Variants in PKNOX1 observed in about 807,000 individuals in gnomAD.
PKNOX1 encodes homeobox protein PKNOX1.
Under a neutral mutation model 51.9 loss-of-function variants are expected in PKNOX1, and 15 were observed. The observed-to-expected ratio is 0.29, with a 90% CI of 0.19 to 0.45. The LOEUF (loss-of-function observed/expected upper bound fraction) is 0.45. Ranked by LOEUF, PKNOX1 falls within the 20% of genes least tolerant of loss-of-function variation. The pLI, the probability that PKNOX1 is intolerant of heterozygous loss-of-function variation, is 1.00. For synonymous variants in PKNOX1, 219 were observed against 211.1 expected, an observed-to-expected ratio of 1.04 and a Z score of -0.32; for missense variants, 462 against 547.5, an observed-to-expected ratio of 0.84 and a Z score of 1.56.
At position 43,007,522 on chromosome 21, in the gene PKNOX1, A is replaced by C; in HGVS notation, c.83A>C (p.Gln28Pro). The C allele has an allele frequency of 6.2e-7, 1 of 1,614,026 alleles. No homozygotes were observed. The highest frequency in any genetic ancestry group is 8.5e-7 in the Non-Finnish European group (1 of 1,179,888). ...MQVVTELKTE[Q>P]DPNCSEPDAE... Reference sequence around the variant, plus strand: ...GTAGTAACAGAGTTAAAGACAGAACAAGATCCAAACTGCTCTGAACCCGAT... The same window carrying C: ...GTAGTAACAGAGTTAAAGACAGAACCAGATCCAAACTGCTCTGAACCCGAT... Residue 28 changes from glutamine (Q) to proline (P), a missense_variant, in exon 3 of 11, where the codon CAA (glutamine) becomes CCA (proline). By Grantham distance (76) the Gln-to-Pro change is moderately conservative. Around this residue, in one of 5 missense-constraint regions of PKNOX1, gnomAD observed 129 missense variants for 133.4 expected, o/e 0.97. Coordinates refer to ENST00000291547, the MANE Select transcript of PKNOX1 (RefSeq NM_004571.5).
intron 8 of PKNOX1, among the ~76,000 whole-genome samples, chr21:43,023,349 C>A (rs892052579): frequency 6.6e-6 from 1 of 152,086 alleles, no homozygotes; most frequent in Non-Finnish European, 1.5e-5. Context: ...GAGGCCGCTC[C>A]GTCCCCATGT....
chr21:43,003,370 GTTT>G (rs910583538), intron 1 of PKNOX1, among the ~76,000 whole-genome samples: 5 of 152,166 alleles, frequency 3.3e-5, no homozygotes, highest in Non-Finnish European at 5.9e-5. Flanking sequence ...GCATTTTGCG[GTTT>G]TCTGTTGTCA....
chr21:42,995,793 C>T (rs1011230832), intron 1 of PKNOX1, among the ~76,000 whole-genome samples: 1 of 152,194 alleles, frequency 6.6e-6, no homozygotes, highest in African/African-American at 2.4e-5. Flanking sequence ...CTGTCTGAAA[C>T]GGCTTACTGT....
chr21:43,023,174 C>T (rs971521607), intron 8 of PKNOX1, among the ~76,000 whole-genome samples: 4 of 151,816 alleles, frequency 2.6e-5, no homozygotes, highest in African/African-American at 4.8e-5. Flanking sequence ...CTTGTGTGCT[C>T]GTGTTTCCTG....
rs1425547946 is a variant in PKNOX1 at position 43,033,211 on chromosome 21, A to G, written c.*3110A>G. The G allele has an allele frequency of 6.6e-6, 1 of 152,080 alleles. No individual in the cohort carries two copies. Among genetic ancestry groups the G allele is most frequent in the Non-Finnish European group, 1.5e-5 (1 of 68,034 alleles). The allele number at this position is 152,080 out of a possible 1,614,324, so 9.4% of individuals were successfully genotyped here. A position where few individuals can be genotyped will look rare whatever the true frequency, so the allele number is the denominator to read the frequency against. On this transcript the variant is annotated 3_prime_UTR_variant, in exon 11 of 11. Transcript: ENST00000291547. ...CCTTTGCGCTTTGATTCCAGATAGT[A>G]AGATGAGTGGAAGTGTTTATCGAGC...
chr21:43,013,013 TAAC>T lies in PKNOX1; in HGVS notation c.352-54_352-52del. 2.1e-6 allele frequency: 3 copies of T among 1,418,216 alleles called. No homozygotes were observed. In the South Asian group the frequency reaches 4.0e-5, roughly 19 times the overall value. 87.9% of individuals were successfully genotyped at this position (1,418,216 alleles called of 1,614,324 possible). On this transcript the variant is annotated intron_variant, in intron 4 of 10. Transcript: ENST00000291547. ...TAAGAACTGGTATGTAGGATCATGA[TAAC>T]TTACAATAATGCCACCTTTTTCTCT...
intron 3 of PKNOX1, among the ~76,000 whole-genome samples, chr21:43,007,986 C>T (rs1979070481): frequency 6.6e-6 from 1 of 151,410 alleles, no homozygotes; most frequent in Admixed American, 6.6e-5. Context: ...ATCACTTGAA[C>T]CGGGGAGGCG....
chr21:43,001,960 C>CAAATAAATAAATAAATAAAT (rs34834721), intron 1 of PKNOX1, among the ~76,000 whole-genome samples: 13 of 146,300 alleles, frequency 8.9e-5, no homozygotes, highest in Admixed American at 6.1e-4. Flanking sequence ...GACTCCGTCT[C>CAAATAAATAAATAAATAAAT]AAATAAATAA....
chr21:42,986,019 T>TTA (rs1555857938), intron 1 of PKNOX1, among the ~76,000 whole-genome samples: 32 of 131,420 alleles, frequency 2.4e-4, no homozygotes, highest in African/African-American at 7.6e-4. Context: ...AAAAAAAAAT[T>TTA]AAAAAAAAAA....
rs1164139884 is a variant in PKNOX1 at position 43,030,761 on chromosome 21, G to C, written c.*660G>C. On this transcript the variant is annotated 3_prime_UTR_variant, in exon 11 of 11. Coordinates refer to ENST00000291547, the MANE Select transcript of PKNOX1 (RefSeq NM_004571.5). ...GACTATATTGAGGATAAAATTTCTA[G>C]AGAAGAAACAATACATGCTTGCTAT... The C allele has an allele frequency of 6.6e-6, 1 of 152,452 alleles. No homozygotes were observed. The highest frequency in any genetic ancestry group is 6.5e-5 in the Admixed American group (1 of 15,280). 9.4% of individuals were successfully genotyped at this position (152,452 alleles called of 1,614,324 possible). A position where few individuals can be genotyped will look rare whatever the true frequency, so the allele number is the denominator to read the frequency against.
At chr21:43,027,101 C>T (rs234723) in intron 9 of PKNOX1, among the ~76,000 whole-genome samples, 36,516 of 151,944 alleles carry the variant, frequency 0.24, 4,780 homozygotes, top group Non-Finnish European at 0.29. Context: ...TCCCTGATAT[C>T]GTGAACATGG....
chr21:43,028,542 G>A (rs1200073491), intron 9 of PKNOX1, 160 bp from the exon 10 acceptor site: 3 of 679,846 alleles, frequency 4.4e-6, no homozygotes, highest in African/African-American at 1.8e-5. Flanking sequence ...GAATTCAGAA[G>A]AGCTGTTGAG....
At position 43,015,584 on chromosome 21, in the gene PKNOX1, A is replaced by G. The variant is rs369774653; in HGVS notation, c.523-1324A>G. Reference sequence around the variant, plus strand: ...TTGGTTTTGGTATCAAAATACACAAACTTACATAAAATGGATTGGGAAGTA... The same window carrying G: ...TTGGTTTTGGTATCAAAATACACAAGCTTACATAAAATGGATTGGGAAGTA... On this transcript the variant is annotated intron_variant, in intron 5 of 10. Coordinates refer to ENST00000291547, the MANE Select transcript of PKNOX1 (RefSeq NM_004571.5). Among the ~76,000 whole-genome samples the G allele has an allele frequency of 5.3e-5, 8 of 152,322 alleles. No individual in the cohort carries two copies. In the South Asian group the frequency reaches 6.2e-4, roughly 12 times the overall value.
intron 4 of PKNOX1, among the ~76,000 whole-genome samples, chr21:43,012,847 C>T (rs561720767): frequency 3.3e-5 from 5 of 152,294 alleles, no homozygotes; most frequent in South Asian, 2.1e-4. Context: ...CACCACCACG[C>T]GCCTTTGTCT....
At chr21:43,006,837 A>T (rs1979009212) in intron 2 of PKNOX1, among the ~76,000 whole-genome samples, 1 of 152,242 alleles carries the variant, frequency 6.6e-6, no homozygotes, top group South Asian at 2.1e-4. Flanking sequence ...TCTGCTGCTC[A>T]TGGATAACTA....
intron 1 of PKNOX1, among the ~76,000 whole-genome samples, chr21:42,996,689 C>A (rs1397942347): frequency 6.6e-6 from 1 of 152,120 alleles, no homozygotes; most frequent in Admixed American, 6.6e-5. Context: ...GCTAGCACAA[C>A]TACATAGAAA....
chr21:43,026,618 G>A (rs530739660), intron 9 of PKNOX1, among the ~76,000 whole-genome samples: 2 of 152,292 alleles, frequency 1.3e-5, no homozygotes, highest in Admixed American at 6.5e-5. Context: ...TTAGCTGCGT[G>A]TGGTGGTGCA....
At chr21:43,029,821 CA>C in intron 10 of PKNOX1, 68 bp from the exon 11 acceptor site, 1 of 1,313,744 alleles carries the variant, frequency 7.6e-7, no homozygotes, top group South Asian at 1.3e-5. Context: ...AAACAGCACC[CA>C]ATTGAGTAAT....
rs1448951274 is a variant in PKNOX1 at position 42,980,392 on chromosome 21, T to A, written c.-57+5728T>A. Among the ~76,000 whole-genome samples, 4 of 140,216 alleles carry A rather than the reference T, an allele frequency of 2.9e-5. No individual in the cohort carries two copies. In the East Asian group the frequency reaches 8.2e-4, roughly 29 times the overall value. The allele number at this position is 140,216 out of a possible 152,430, so 92.0% of individuals were successfully genotyped here. A position where few individuals can be genotyped will look rare whatever the true frequency, so the allele number is the denominator to read the frequency against. ...ATGTCCGAAAAAAGAGAAAAAAAAATACTACTTGTAAATAGCAGAAATAGA... is the reference window on the plus strand; with the variant it reads ...ATGTCCGAAAAAAGAGAAAAAAAAAAACTACTTGTAAATAGCAGAAATAGA... On this transcript the variant is annotated intron_variant, in intron 1 of 10. Coordinates refer to ENST00000291547, the MANE Select transcript of PKNOX1 (RefSeq NM_004571.5).
Sources: gnomAD v4.1 joint callset for allele counts (sites outside exome capture counted in the v4.1 genomes callset) on GRCh38, gnomAD v4.1.1 for gene constraint, gnomAD v4.1.1 regional missense constraint, MANE v1.5 for transcripts, NCBI Gene and HGNC (gene_info 2026-07-23, HGNC 2026-07-21) for gene names.